The following EFHC2 variants were observed in gnomAD, a reference collection of about 807,000 sequenced individuals.
The protein encoded by EFHC2 is EF-hand domain containing 2.
A neutral mutation model predicts 52.7 loss-of-function variants in EFHC2; 18 were observed. That is an observed-to-expected ratio of 0.34 (90% CI 0.24 to 0.51). The LOEUF is 0.51. Ranked by LOEUF, EFHC2 falls within the 20% of genes least tolerant of loss-of-function variation. EFHC2 has a pLI of 0.97. For synonymous variants in EFHC2, 203 were observed against 204.1 expected (o/e 0.99, Z 0.04); for missense variants, 513 against 562.5 (o/e 0.91, Z 0.89).
chrX:44,219,603 GT>G (rs1252043178), intron 11 of EFHC2, among the ~76,000 whole-genome samples: 2 of 111,519 alleles, frequency 1.8e-5, no homozygotes, highest in African/African-American at 6.5e-5. Flanking sequence ...TTTTCTGGAT[GT>G]TTTAAAATTT....
chrX:44,225,258 A>AC (rs2037223578), intron 11 of EFHC2, among the ~76,000 whole-genome samples: 1 of 110,121 alleles, frequency 9.1e-6, no homozygotes, highest in Non-Finnish European at 1.9e-5. Context: ...ATTAAAAAAA[A>AC]AAAAAACAAA....
At chrX:44,224,680 G>A (rs1260273949) in intron 11 of EFHC2, among the ~76,000 whole-genome samples, 1 of 112,620 alleles carries the variant, frequency 8.9e-6, no homozygotes, top group Non-Finnish European at 1.9e-5. Flanking sequence ...TGTTCATTGA[G>A]GTCTGATACA....
intron 2 of EFHC2, among the ~76,000 whole-genome samples, chrX:44,283,675 CTTTTT>C (rs35434534): frequency 4.7e-5 from 2 of 42,585 alleles, no homozygotes; most frequent in Non-Finnish European, 8.6e-5. Context: ...ACGGAAGTAC[CTTTTT>C]TTTTTTTTTT....
At chrX:44,307,991 G>A (rs1432613381) in intron 2 of EFHC2, among the ~76,000 whole-genome samples, 6 of 111,175 alleles carry the variant, frequency 5.4e-5, no homozygotes, top group Admixed American at 4.8e-4. Context: ...GAAACTGTAT[G>A]AATAACTCAT....
chrX:44,209,922 G>A (rs750608228), intron 11 of EFHC2, among the ~76,000 whole-genome samples: 1 of 110,566 alleles, frequency 9.0e-6, no homozygotes, highest in South Asian at 3.9e-4. Flanking sequence ...TCCAATGCCT[G>A]ATGATTTGTT....
intron 2 of EFHC2, among the ~76,000 whole-genome samples, chrX:44,294,664 A>G (rs914908415): frequency 1.8e-5 from 2 of 111,885 alleles, no homozygotes; most frequent in Non-Finnish European, 3.8e-5. Context: ...TGTGCTGTGG[A>G]TACAACACTC....
At chrX:44,171,709 A>G (rs1474089406) in intron 13 of EFHC2, among the ~76,000 whole-genome samples, 1 of 111,836 alleles carries the variant, frequency 8.9e-6, no homozygotes, top group Non-Finnish European at 1.9e-5. Context: ...CTGTACATAG[A>G]GTCGATACTC....
At chrX:44,310,405 C>T in intron 2 of EFHC2, 1 of 1,004,185 alleles carries the variant, frequency 1.0e-6, no homozygotes, top group Non-Finnish European at 1.3e-6. Flanking sequence ...CCAGGCTGAG[C>T]CCCTTCAGCG....
rs1282977553 is a variant in EFHC2 at position 44,232,466 on chromosome X, A to G, written c.1620+15T>C. ...GGCTGAGAGGCAAGTCAAGAATTATACAAAGTAAATTCACCTTATCTGTAT... is the reference window on the plus strand; with the variant it reads ...GGCTGAGAGGCAAGTCAAGAATTATGCAAAGTAAATTCACCTTATCTGTAT... On this transcript the variant is annotated intron_variant, in intron 10 of 14. Transcript: ENST00000420999. 7.6e-6 allele frequency: 8 copies of G among 1,057,992 alleles called. No individual in the cohort carries two copies. The highest frequency in any genetic ancestry group is 9.8e-6 in the Non-Finnish European group (8 of 815,710). 87.2% of individuals were successfully genotyped at this position (1,057,992 alleles called of 1,213,427 possible).
In EFHC2 at chrX:44,232,529, G is replaced by A; in HGVS notation, c.1572C>T (p.Leu524=). ...VNVNGYLFRL[L]NADEYTLNYM... Reference sequence around the variant, plus strand: ...AGTTTAAGGTATACTCATCAGCATTGAGCAAACGAAATAGGTAACCATTCA... The same window carrying A: ...AGTTTAAGGTATACTCATCAGCATTAAGCAAACGAAATAGGTAACCATTCA... Residue 524 remains leucine, a synonymous_variant, in exon 10 of 15, where the codon CTC becomes CTT. Coordinates refer to ENST00000420999, the MANE Select transcript of EFHC2 (RefSeq NM_025184.4). 8.5e-7 allele frequency: 1 copy of A among 1,180,574 alleles called. No individual in the cohort carries two copies. The highest frequency in any genetic ancestry group is 1.1e-6 in the Non-Finnish European group (1 of 878,894).
At chrX:44,263,076 C>T (rs749471648) in intron 3 of EFHC2, among the ~76,000 whole-genome samples, 33 of 112,238 alleles carry the variant, frequency 2.9e-4, no homozygotes, top group Non-Finnish European at 5.3e-4. Context: ...ACAAGAGATA[C>T]AGAAATGCAT....
intron 14 of EFHC2, among the ~76,000 whole-genome samples, chrX:44,153,756 T>C (rs775019386): frequency 1.8e-5 from 2 of 112,216 alleles, no homozygotes; most frequent in Non-Finnish European, 3.8e-5. Context: ...TTTGGCAACA[T>C]AAGAAATCCA....
At chrX:44,235,500 AT>A in intron 8 of EFHC2, 53 bp from the exon 9 acceptor site, 1 of 1,085,440 alleles carries the variant, frequency 9.2e-7, no homozygotes. Flanking sequence ...TCTTCCACAT[AT>A]TATGTTTTTA....
intron 2 of EFHC2, among the ~76,000 whole-genome samples, chrX:44,288,743 T>C (rs1206848483): frequency 8.9e-6 from 1 of 112,361 alleles, no homozygotes; most frequent in African/African-American, 3.2e-5. Context: ...ATACAAAAAA[T>C]TGTGCTTTGA....
At chrX:44,231,198 G>A (rs1361008164) in intron 10 of EFHC2, among the ~76,000 whole-genome samples, 2 of 112,105 alleles carry the variant, frequency 1.8e-5, no homozygotes. Context: ...CTGTGGAGAA[G>A]AGCATTGTTG....
chrX:44,313,095 C>CA (rs1276344069), intron 1 of EFHC2, among the ~76,000 whole-genome samples: 2,725 of 49,958 alleles, frequency 0.055, 112 homozygotes, highest in African/African-American at 0.14. Context: ...ATGCAAACAG[C>CA]AAAAAAAAAA....
intron 1 of EFHC2, among the ~76,000 whole-genome samples, chrX:44,316,272 C>T (rs1340741270): frequency 5.4e-5 from 6 of 111,642 alleles, no homozygotes; most frequent in Non-Finnish European, 1.1e-4. Context: ...TACACAAACC[C>T]CTCTCCCCAC....
intron 3 of EFHC2, among the ~76,000 whole-genome samples, chrX:44,269,157 C>A (rs1396824287): frequency 9.0e-6 from 1 of 111,181 alleles, no homozygotes; most frequent in African/African-American, 3.3e-5. Flanking sequence ...ATGATCTGGG[C>A]ACCTCTGATT....
rs780176825 is a variant in EFHC2 at position 44,176,391 on chromosome X, T to C, written c.1950-7A>G. 8.8e-7 allele frequency: 1 copy of C among 1,141,268 alleles called. No homozygotes were observed. Among genetic ancestry groups the C allele is most frequent in the South Asian group, 2.0e-5 (1 of 49,666 alleles). The allele number at this position is 1,141,268 out of a possible 1,213,427, so 94.1% of individuals were successfully genotyped here. ...GGTGGGTAATACATTTTTTCTGCAT[T>C]AAAACAACGTAAATGAGCTTTTATA... On this transcript the variant is annotated splice_region_variant and splice_polypyrimidine_tract_variant and intron_variant, in intron 12 of 14. Coordinates refer to ENST00000420999, the MANE Select transcript of EFHC2 (RefSeq NM_025184.4).
Sources: allele counts gnomAD v4.1 joint callset (sites outside exome capture counted in the v4.1 genomes callset), GRCh38; gene constraint gnomAD v4.1.1; transcripts MANE v1.5; gene names NCBI Gene and HGNC (gene_info 2026-07-23, HGNC 2026-07-21).